PPP2R5C: variants seen among roughly 807,000 people sequenced by gnomAD.
PPP2R5C encodes protein phosphatase 2 regulatory subunit B'gamma.
Under a neutral mutation model 68.9 loss-of-function variants are expected in PPP2R5C, and 7 were observed. The ratio of observed to expected loss-of-function variants is 0.10; its 90% CI spans 0.06 to 0.19. PPP2R5C has a LOEUF of 0.19. PPP2R5C is among the 10% of genes least tolerant of loss of function. The pLI is 1.00. For missense variants in PPP2R5C, 348 were observed against 641.3 expected (o/e 0.54, Z 4.94); for synonymous variants, 210 against 222.2 (o/e 0.95, Z 0.49).
intron 1 of PPP2R5C, among the ~76,000 whole-genome samples, chr14:101,838,738 G>C (rs1258204191): frequency 6.6e-6 from 1 of 152,214 alleles, no homozygotes; most frequent in Non-Finnish European, 1.5e-5. Context: ...CTTTCTTCTT[G>C]GTTGTATAAA....
intron 2 of PPP2R5C, among the ~76,000 whole-genome samples, chr14:101,880,302 C>G (rs1307477670): frequency 6.6e-6 from 1 of 152,200 alleles, no homozygotes; most frequent in Admixed American, 6.5e-5. Flanking sequence ...GGCTTTTCAG[C>G]CCCTTTTTTC....
At position 101,844,356 on chromosome 14, in the gene PPP2R5C, G is replaced by A. The variant is rs941059503; in HGVS notation, c.95-12330G>A. Among the ~76,000 whole-genome samples the A allele has an allele frequency of 5.9e-5, 9 of 152,152 alleles. 1 individual carries two copies. The highest frequency in any genetic ancestry group is 1.3e-4 in the Non-Finnish European group (9 of 68,016). On this transcript the variant is annotated intron_variant, in intron 1 of 13. Coordinates refer to ENST00000334743, the Ensembl canonical transcript of PPP2R5C. Reference sequence around the variant, plus strand: ...CTCCCCAGAGATTGGACACACACGTGCACACAGTTCTGATATCGTGGTTTC... The same window carrying A: ...CTCCCCAGAGATTGGACACACACGTACACACAGTTCTGATATCGTGGTTTC...
At chr14:101,871,545 G>A (rs552771105) in intron 2 of PPP2R5C, among the ~76,000 whole-genome samples, 1 of 152,222 alleles carries the variant, frequency 6.6e-6, no homozygotes, top group South Asian at 2.1e-4. Context: ...GCCCGGCTGA[G>A]TCTTGCTTTT....
intron 1 of PPP2R5C, among the ~76,000 whole-genome samples, chr14:101,840,127 CCTT>C (rs2041371154): frequency 6.6e-6 from 1 of 152,102 alleles, no homozygotes; most frequent in Non-Finnish European, 1.5e-5. Context: ...TTTATATGGT[CCTT>C]CTTGTAGTGC....
Position 101,888,978 on chromosome 14 carries a change from A to G in PPP2R5C, c.630-1259A>G, listed in dbSNP as rs983922885. Among the ~76,000 whole-genome samples the G allele has an allele frequency of 9.2e-5, 14 of 152,088 alleles. No individual in the cohort carries two copies. Among genetic ancestry groups the G allele is most frequent in the African/African-American group, 2.9e-4 (12 of 41,382 alleles). ...ACGGCACAGACCTTTGTTCCAGCCA[A>G]ACGAGTTCTTCTCCCTCTCCACACT... On this transcript the variant is annotated intron_variant, in intron 5 of 13. Coordinates refer to ENST00000334743, the Ensembl canonical transcript of PPP2R5C. This position sits in a 1 kb window ranked among gnomAD's most constrained non-coding sequence, Gnocchi z 5.6.
At chr14:101,839,901 G>A (rs1393300347) in intron 1 of PPP2R5C, among the ~76,000 whole-genome samples, 1 of 152,206 alleles carries the variant, frequency 6.6e-6, no homozygotes, top group African/African-American at 2.4e-5. Flanking sequence ...CACACTCGGA[G>A]ATGCCAGCAG....
intron 6 of PPP2R5C, 84 bp downstream of exon 8, chr14:101,890,380 T>C: frequency 7.5e-7 from 1 of 1,326,092 alleles, no homozygotes; most frequent in Admixed American, 2.1e-5. Flanking sequence ...GCTGCCCGCT[T>C]TAAAGCAAGG....
intron 6 of PPP2R5C, among the ~76,000 whole-genome samples, chr14:101,890,779 T>C (rs1471679320): frequency 6.8e-6 from 1 of 146,128 alleles, no homozygotes; most frequent in Non-Finnish European, 1.5e-5. Flanking sequence ...TTTTTTTTTT[T>C]TTTTTTTTTC....
At chr14:101,775,620 A>C (rs1311092987) in intron 2 of PPP2R5C, among the ~76,000 whole-genome samples, 1 of 152,128 alleles carries the variant, frequency 6.6e-6, no homozygotes, top group East Asian at 1.9e-4. Context: ...CTTGTTGGGA[A>C]GACTTGGGAG....
intron 2 of PPP2R5C, among the ~76,000 whole-genome samples, chr14:101,872,219 C>T (rs1475284772): frequency 1.2e-4 from 11 of 91,162 alleles, no homozygotes; most frequent in South Asian, 3.8e-4. Context: ...TTTCTTTTGC[C>T]TTTTTTTTTT....
At chr14:101,845,791 G>GA (rs2140461449) in intron 1 of PPP2R5C, among the ~76,000 whole-genome samples, 1 of 152,270 alleles carries the variant, frequency 6.6e-6, no homozygotes, top group African/African-American at 2.4e-5. Context: ...TCCTCTCCAG[G>GA]AAAGATAATG....
In PPP2R5C at chr14:101,876,533, G is replaced by C. The variant is rs557067650; in HGVS notation, c.295-5628G>C. The stretch of plus-strand genomic sequence containing the variant: ...AATGAATGATAACACATACAGAAAG[G>C]CTGCATGATATTGCTGAATTGTAAG... On this transcript the variant is annotated intron_variant, in intron 2 of 13. Transcript: ENST00000334743. 3.7e-4 allele frequency among the ~76,000 whole-genome samples: 56 copies of C among 152,210 alleles called. No homozygotes were observed. The East Asian group carries it at 5.4e-3, about 15-fold the overall frequency.
chr14:101,762,315 T>G (rs2036591761), intron 1 of PPP2R5C, among the ~76,000 whole-genome samples: 1 of 151,896 alleles, frequency 6.6e-6, no homozygotes, highest in African/African-American at 2.4e-5. Context: ...GGAAAGGAGC[T>G]TCAGGGATGG....
At chr14:101,805,256 G>C (rs184883478), upstream of PPP2R5C, among the ~76,000 whole-genome samples, 1 of 152,162 alleles carries the variant, frequency 6.6e-6, no homozygotes, top group Non-Finnish European at 1.5e-5. Context: ...AGTAAAGATG[G>C]GGTTTCGCCA....
chr14:101,840,858 G>C (rs896541972), intron 1 of PPP2R5C, among the ~76,000 whole-genome samples: 2 of 152,180 alleles, frequency 1.3e-5, no homozygotes, highest in Non-Finnish European at 2.9e-5. Flanking sequence ...TAGTTGCTGA[G>C]TGCAGTGCAT....
chr14:101,861,939 C>A (rs1678020), intron 2 of PPP2R5C, among the ~76,000 whole-genome samples: 3 of 151,970 alleles, frequency 2.0e-5, no homozygotes, highest in African/African-American at 7.2e-5. Context: ...TTAGAGATGC[C>A]GTCTTGCTCT....
chr14:101,805,017 A>G (rs2039019753), upstream of PPP2R5C, among the ~76,000 whole-genome samples: 1 of 152,174 alleles, frequency 6.6e-6, no homozygotes, highest in Admixed American at 6.5e-5. Flanking sequence ...CATAAAAATT[A>G]AAAATAAGTT....
intron 1 of PPP2R5C, among the ~76,000 whole-genome samples, chr14:101,847,165 C>T (rs978624210): frequency 2.0e-5 from 3 of 152,104 alleles, no homozygotes; most frequent in Admixed American, 6.6e-5. Context: ...ATGTGCTGGC[C>T]AGTTTTAGAT....
intron 2 of PPP2R5C, among the ~76,000 whole-genome samples, chr14:101,763,470 C>T (rs1196351359): frequency 1.3e-5 from 2 of 152,056 alleles, no homozygotes; most frequent in Non-Finnish European, 2.9e-5. Flanking sequence ...GCAACCTCTG[C>T]CTCCCGAGTT....
Sources: gnomAD v4.1 joint callset for allele counts (sites outside exome capture counted in the v4.1 genomes callset) on GRCh38, gnomAD v4.1.1 for gene constraint, Gnocchi (gnomAD v3.1) non-coding constraint, MANE v1.5 for transcripts, NCBI Gene and HGNC (gene_info 2026-07-23, HGNC 2026-07-21) for gene names.